The following NECTIN3 variants were observed in gnomAD, a reference collection of about 807,000 sequenced individuals.
The protein encoded by NECTIN3 is nectin cell adhesion molecule 3.
NECTIN3 carries 8 observed loss-of-function variants against 49.4 expected under a neutral mutation model. The ratio of observed to expected loss-of-function variants is 0.16; its 90% CI spans 0.10 to 0.29. The LOEUF (loss-of-function observed/expected upper bound fraction) is 0.29, where lower values mean the gene tolerates loss of function less well. NECTIN3 is among the 10% of genes least tolerant of loss of function. The pLI is 1.00. For missense variants in NECTIN3, 581 were observed against 654.6 expected (o/e 0.89, Z 1.23); for synonymous variants, 277 against 241.1 (o/e 1.15, Z -1.38).
chr3:111,107,887 C>A (rs2033254981), intron 1 of NECTIN3, among the ~76,000 whole-genome samples: 1 of 152,090 alleles, frequency 6.6e-6, no homozygotes, highest in Non-Finnish European at 1.5e-5. Flanking sequence ...GTATTAGATT[C>A]TTTTATTTGC....
intron 7 of NECTIN3, among the ~76,000 whole-genome samples, chr3:111,168,693 A>G (rs77436780): frequency 0.011 from 1,607 of 152,296 alleles, 34 homozygotes; most frequent in African/African-American, 0.035. Context: ...ACAAGCTGCT[A>G]TGAGGATAAT....
At chr3:111,112,972 A>G (rs890957065) in intron 2 of NECTIN3, among the ~76,000 whole-genome samples, 28 of 152,192 alleles carry the variant, frequency 1.8e-4, no homozygotes, top group African/African-American at 6.5e-4. Context: ...AAATGCTGAT[A>G]AGTACTTTTG....
chr3:111,084,108 A>T (rs897063744), intron 1 of NECTIN3, among the ~76,000 whole-genome samples: 2 of 152,252 alleles, frequency 1.3e-5, no homozygotes, highest in Non-Finnish European at 2.9e-5. Flanking sequence ...TGCTAGTATT[A>T]GAAATGGAAG....
intron 1 of NECTIN3, 174 bp downstream of exon 1, chr3:111,072,351 G>A: frequency 6.8e-7 from 1 of 1,467,430 alleles, no homozygotes; most frequent in Non-Finnish European, 8.9e-7. Flanking sequence ...GCCCTGGAAG[G>A]GCCAGGCCAG....
chr3:111,076,958 G>A (rs1020725488), intron 1 of NECTIN3, among the ~76,000 whole-genome samples: 3 of 149,770 alleles, frequency 2.0e-5, no homozygotes, highest in Admixed American at 6.7e-5. Context: ...CCTGGGTGAC[G>A]GAGCAAGACT....
intron 1 of NECTIN3, among the ~76,000 whole-genome samples, chr3:111,076,422 A>G (rs534855761): frequency 1.3e-5 from 2 of 152,256 alleles, no homozygotes; most frequent in Non-Finnish European, 1.5e-5. Flanking sequence ...AATAATTACT[A>G]TTAATATGTA....
At chr3:111,177,280 T>A (rs956222084) in intron 7 of NECTIN3, among the ~76,000 whole-genome samples, 1 of 152,156 alleles carries the variant, frequency 6.6e-6, no homozygotes, top group African/African-American at 2.4e-5. Context: ...AATATTTATC[T>A]AATTTTTCTC....
At chr3:111,171,004 C>CA (rs1157126066) in intron 7 of NECTIN3, among the ~76,000 whole-genome samples, 1 of 152,176 alleles carries the variant, frequency 6.6e-6, no homozygotes, top group Non-Finnish European at 1.5e-5. Context: ...ACCAAGAGAA[C>CA]ATATGTCATT....
chr3:111,166,763 T>C (rs1409245426), intron 7 of NECTIN3, among the ~76,000 whole-genome samples: 1 of 152,252 alleles, frequency 6.6e-6, no homozygotes, highest in Non-Finnish European at 1.5e-5. Flanking sequence ...TCGAAAGCTT[T>C]GGGTCCATTC....
intron 5 of NECTIN3, among the ~76,000 whole-genome samples, chr3:111,127,489 G>C (rs1359084238): frequency 7.7e-6 from 1 of 129,546 alleles, no homozygotes; most frequent in Non-Finnish European, 1.6e-5. Context: ...TTTTTTGCAT[G>C]AGTCTAGAAA....
intron 1 of NECTIN3, among the ~76,000 whole-genome samples, chr3:111,097,128 A>C (rs2032633109): frequency 6.6e-6 from 1 of 152,210 alleles, no homozygotes; most frequent in Non-Finnish European, 1.5e-5. Flanking sequence ...TCCCAAGACC[A>C]TGGGAACCCA....
chr3:111,126,130 C>T, intron 4 of NECTIN3, 54 bp from the exon 5 acceptor site: 1 of 1,265,482 alleles, frequency 7.9e-7, no homozygotes, highest in Admixed American at 3.2e-5. Context: ...AACTAGCTGT[C>T]AATAAATATA....
At chr3:111,168,537 A>AT (rs1206812109) in intron 7 of NECTIN3, among the ~76,000 whole-genome samples, 3 of 152,050 alleles carry the variant, frequency 2.0e-5, no homozygotes, top group South Asian at 2.1e-4. Flanking sequence ...TAGGACAGGG[A>AT]TTTTTTTGTC....
intron 7 of NECTIN3, among the ~76,000 whole-genome samples, chr3:111,176,268 T>C (rs1252111990): frequency 6.6e-6 from 1 of 152,228 alleles, no homozygotes; most frequent in East Asian, 1.9e-4. Flanking sequence ...CTTGACTCAT[T>C]TTATTAATCA....
Position 111,136,057 on chromosome 3 carries a change from G to A in NECTIN3, c.*1842G>A. 1.0e-6 allele frequency: 1 copy of A among 981,088 alleles called. No individual in the cohort carries two copies. The highest frequency in any genetic ancestry group is 4.7e-5 in the South Asian group (1 of 21,200). The allele number at this position is 981,088 out of a possible 1,614,324, so 60.8% of individuals were successfully genotyped here. A position where few individuals can be genotyped will look rare whatever the true frequency, so the allele number is the denominator to read the frequency against. ...TTTGATAAAACACTGTGATTGATGT[G>A]ACTTTATTTTTAATTTAAACGATGA... is the stretch of plus-strand genomic sequence containing the variant. On this transcript the variant is annotated 3_prime_UTR_variant, in exon 6 of 6. Transcript: ENST00000485303.
At chr3:111,146,647 A>T (rs2034883617) in intron 6 of NECTIN3, among the ~76,000 whole-genome samples, 2 of 152,160 alleles carry the variant, frequency 1.3e-5, no homozygotes, top group Non-Finnish European at 1.5e-5. Flanking sequence ...CAGGATCTAT[A>T]GCTTTCATTC....
intron 1 of NECTIN3, among the ~76,000 whole-genome samples, chr3:111,088,650 A>C (rs1277693790): frequency 6.6e-6 from 1 of 152,200 alleles, no homozygotes; most frequent in Non-Finnish European, 1.5e-5. Flanking sequence ...ATTTATAAAA[A>C]CATTAAACCA....
chr3:111,154,941 A>G (rs1443618608), intron 7 of NECTIN3, among the ~76,000 whole-genome samples: 2 of 152,000 alleles, frequency 1.3e-5, no homozygotes, highest in African/African-American at 4.8e-5. Flanking sequence ...ATTCTCTTTA[A>G]CAGTGACTTT....
chr3:111,118,281 T>C (rs1446771125), intron 2 of NECTIN3, among the ~76,000 whole-genome samples: 2 of 139,782 alleles, frequency 1.4e-5, no homozygotes, highest in Non-Finnish European at 3.1e-5. Context: ...TATATATATA[T>C]ATTATACATA....
Sources: allele counts gnomAD v4.1 joint callset (sites outside exome capture counted in the v4.1 genomes callset), GRCh38; gene constraint gnomAD v4.1.1; transcripts MANE v1.5; gene names NCBI Gene and HGNC (gene_info 2026-07-23, HGNC 2026-07-21).